RPL35A: variants seen among roughly 807,000 people sequenced by gnomAD.
RPL35A encodes ribosomal protein L35a.
Under a neutral mutation model 16.7 loss-of-function variants are expected in RPL35A, and 1 was observed. That is an observed-to-expected ratio of 0.06 (90% CI 0.02 to 0.28). RPL35A has a LOEUF of 0.28. Ranked by LOEUF, RPL35A falls within the 10% of genes least tolerant of loss-of-function variation. RPL35A has a pLI of 1.00. For synonymous variants in RPL35A, 58 were observed against 47.0 expected, an observed-to-expected ratio of 1.23 and a Z score of -0.96; for missense variants, 91 against 138.7, an observed-to-expected ratio of 0.66 and a Z score of 1.73.
chr3:197,951,663 A>G, intron 3 of RPL35A: 1 of 257,556 alleles, frequency 3.9e-6, no homozygotes. Flanking sequence ...TCATTATCCT[A>G]TTGAAATAAT....
At chr3:197,952,401 C>T (rs1368168894) in intron 3 of RPL35A, 1 of 152,124 alleles carries the variant, frequency 6.6e-6, no homozygotes, top group Non-Finnish European at 1.5e-5. Flanking sequence ...AACTCCTGAA[C>T]TTGTGATCCA....
At chr3:197,952,162 G>GTTTGT (rs1560121297) in intron 3 of RPL35A, among the ~76,000 whole-genome samples, 3 of 83,860 alleles carry the variant, frequency 3.6e-5, no homozygotes, top group Non-Finnish European at 6.7e-5. Context: ...AAAATTATGG[G>GTTTGT]TTTTTTTTTT....
intron 3 of RPL35A, chr3:197,953,779 A>T: frequency 1.7e-6 from 1 of 602,834 alleles, no homozygotes; most frequent in South Asian, 2.0e-5. Context: ...CTTGGTTATC[A>T]TGTGAAAGAT....
chr3:197,951,023 G>T, intron 2 of RPL35A, 45 bp downstream of exon 2: 1 of 1,606,242 alleles, frequency 6.2e-7, no homozygotes. Flanking sequence ...TGTTAGACGT[G>T]AACGTAAATG....
At chr3:197,952,085 C>T (rs1375281614) in intron 3 of RPL35A, among the ~76,000 whole-genome samples, 2 of 150,290 alleles carry the variant, frequency 1.3e-5, no homozygotes, top group African/African-American at 4.9e-5. Context: ...TTTTTTTTCT[C>T]GGCTCCTTTT....
rs1432642517 is a variant in RPL35A at position 197,953,980 on chromosome 3, C to T, written c.165-23C>T. The T allele has an allele frequency of 5.6e-6, 9 of 1,611,752 alleles. No individual in the cohort carries two copies. The African/African-American group carries it at 1.2e-4, about 22-fold the overall frequency. ...TCCAACTATATCAGCTTGTATTCCT[C>T]TTCTTTCCCTTTTTAAAATCAGCAA... On this transcript the variant is annotated intron_variant, in intron 3 of 4. Transcript: ENST00000647248.
At chr3:197,950,426 A>T (rs775104593) in intron 1 of RPL35A, 1 of 855,976 alleles carries the variant, frequency 1.2e-6, no homozygotes, top group Non-Finnish European at 1.5e-6. Context: ...TGCCCGGGTT[A>T]TCCCAGTTAA....
At chr3:197,954,271 TGTGTATTGCAGAAC>T in intron 4 of RPL35A, 124 bp downstream of exon 4, 1 of 928,330 alleles carries the variant, frequency 1.1e-6, no homozygotes, top group Non-Finnish European at 1.7e-6. Context: ...CTGCAAAATT[TGTGTATTGCAGAAC>T]ACTGGAGAGA....
intron 3 of RPL35A, chr3:197,951,543 G>C (rs556725255): frequency 1.4e-4 from 70 of 503,878 alleles, no homozygotes; most frequent in African/African-American, 1.3e-3. Context: ...AGTAGAGACA[G>C]GGTATTGCCA....
chr3:197,953,679 A>G, intron 3 of RPL35A: 1 of 441,740 alleles, frequency 2.3e-6, no homozygotes, highest in South Asian at 1.8e-5. Flanking sequence ...TCCTTTCTGT[A>G]CACACAAATA....
Position 197,950,986 on chromosome 3 carries a change from T to C in RPL35A, c.11+8T>C, listed in dbSNP as rs371388045. On this transcript the variant is annotated splice_region_variant and intron_variant, in intron 2 of 4. Transcript: ENST00000647248. ...AGGAACTATGTCTGGAAGGTACGCG[T>C]TTTAAATATAGTTCTTTATTTTTGT... 2 of 1,613,400 alleles carry C rather than the reference T, an allele frequency of 1.2e-6. No homozygotes were observed. The highest frequency in any genetic ancestry group is 1.7e-6 in the Non-Finnish European group (2 of 1,179,430).
At chr3:197,950,862 G>A in intron 1 of RPL35A, 74 bp from the exon 2 acceptor site, 2 of 1,405,086 alleles carry the variant, frequency 1.4e-6, no homozygotes, top group South Asian at 2.3e-5. Flanking sequence ...TTGCTTTAGG[G>A]GCTTAAACGA....
chr3:197,952,835 A>AC (rs1192859916), intron 3 of RPL35A, among the ~76,000 whole-genome samples: 4 of 146,946 alleles, frequency 2.7e-5, no homozygotes, highest in African/African-American at 1.0e-4. Context: ...TATGCTGTAG[A>AC]CTTTTTTTTT....
At chr3:197,954,727 T>G (rs1720396793) in intron 4 of RPL35A, among the ~76,000 whole-genome samples, 1 of 152,126 alleles carries the variant, frequency 6.6e-6, no homozygotes, top group African/African-American at 2.4e-5. Context: ...AGGCTGGTCT[T>G]GAACTCCTGA....
chr3:197,953,773 G>GAT (rs1720313025), intron 3 of RPL35A: 2 of 596,166 alleles, frequency 3.4e-6, no homozygotes, highest in Non-Finnish European at 6.0e-6. Flanking sequence ...AACTTACTTG[G>GAT]TTATCATGTG....
chr3:197,955,991 C>G lies in RPL35A; in HGVS notation c.*218C>G, dbSNP rs1581110411. ...CGGGTTTTAATGCGAGTATCTTTGA[C>G]AGAGTCTTGCTCTGTTGCCCATGCT... is the stretch of plus-strand genomic sequence containing the variant. On this transcript the variant is annotated 3_prime_UTR_variant, in exon 5 of 5. Coordinates refer to ENST00000647248, the MANE Select transcript of RPL35A (RefSeq NM_000996.4). 2 of 548,784 alleles carry G rather than the reference C, an allele frequency of 3.6e-6. No homozygotes were observed. The highest frequency in any genetic ancestry group is 3.2e-5 in the East Asian group (1 of 31,014). The allele number at this position is 548,784 out of a possible 1,614,324, so 34.0% of individuals were successfully genotyped here. A position where few individuals can be genotyped will look rare whatever the true frequency, so the allele number is the denominator to read the frequency against.
chr3:197,951,977 C>T (rs994737372), intron 3 of RPL35A, among the ~76,000 whole-genome samples: 7 of 151,974 alleles, frequency 4.6e-5, no homozygotes, highest in Non-Finnish European at 8.8e-5. Context: ...TTTAGAAGGA[C>T]GTTACTTCTG....
Position 197,956,298 on chromosome 3 carries a change from C to T in RPL35A, c.*525C>T, listed in dbSNP as rs1720517782. The T allele has an allele frequency of 6.2e-6, 1 of 160,098 alleles. No homozygotes were observed. The highest frequency in any genetic ancestry group is 2.4e-5 in the African/African-American group (1 of 41,532). 9.9% of individuals were successfully genotyped at this position (160,098 alleles called of 1,614,324 possible). Reference sequence around the variant, plus strand: ...CATTTGTTCAATGCAGATTGGGAAACTTAAAATTTGAATGGAGATTATGTT... The same window carrying T: ...CATTTGTTCAATGCAGATTGGGAAATTTAAAATTTGAATGGAGATTATGTT... On this transcript the variant is annotated 3_prime_UTR_variant, in exon 5 of 5. Coordinates refer to ENST00000647248, the MANE Select transcript of RPL35A (RefSeq NM_000996.4).
Position 197,952,074 on chromosome 3 carries a change from A to AT in RPL35A, c.164+771dup, listed in dbSNP as rs561471728. ...TATTGTGATCCTTTTAAGGTTTCTA[A>AT]TTTTTTTTCTCGGCTCCTTTTGCCA... On this transcript the variant is annotated intron_variant, in intron 3 of 4. Transcript: ENST00000647248. Among the ~76,000 whole-genome samples, 5 of 148,088 alleles carry AT rather than the reference A, an allele frequency of 3.4e-5. No individual in the cohort carries two copies. In the South Asian group the frequency reaches 8.6e-4, roughly 25 times the overall value.
Sources: allele counts gnomAD v4.1 joint callset (sites outside exome capture counted in the v4.1 genomes callset), GRCh38; gene constraint gnomAD v4.1.1; transcripts MANE v1.5; gene names NCBI Gene and HGNC (gene_info 2026-07-23, HGNC 2026-07-21).